The following DST variants were observed in gnomAD, a reference collection of about 807,000 sequenced individuals.
DST encodes the protein bullous pemphigoid antigen.
DST carries 253 observed loss-of-function variants against 875.2 expected under a neutral mutation model. That is an observed-to-expected ratio of 0.29 (90% confidence interval 0.26 to 0.32). DST has a LOEUF of 0.32. Ranked by LOEUF, DST falls within the 10% of genes least tolerant of loss-of-function variation. The pLI is 1.00. For missense variants in DST, 8,287 were observed against 9,111.6 expected (o/e 0.91, Z 3.68); for synonymous variants, 3,124 against 3,197.1 (o/e 0.98, Z 0.77).
In DST at chr6:56,639,323, T is replaced by G. The variant is rs768131560; in HGVS notation, c.2900A>C (p.Lys967Thr). ...CTGCTCTGCTATCTCCTGAACTGAT[T>G]TAATATTTTCTTCCTTTTGATCAAG... ...RELDQKEENIKSVQEIAEQLL... is the reference protein window; with the variant it reads ...RELDQKEENITSVQEIAEQLL... The change falls in exon 22 of 104, where the codon AAA becomes ACA. Residue 967 changes from lysine to threonine, a missense_variant. Physicochemically the swap from Lys to Thr is moderately conservative, Grantham distance 78. This residue lies in a region of DST where 1,160 missense variants were observed against 1,424.3 expected (regional missense o/e 0.81). Transcript: ENST00000680361. The G allele has an allele frequency of 4.3e-6, 7 of 1,613,680 alleles. No individual in the cohort carries two copies. The South Asian group carries it at 6.6e-5, about 15-fold the overall frequency.
chr6:56,493,379 C>T (rs2095811666), intron 83 of DST, among the ~76,000 whole-genome samples: 1 of 152,006 alleles, frequency 6.6e-6, no homozygotes, highest in South Asian at 2.1e-4. Flanking sequence ...TAAATATAAT[C>T]TGTAAAAAGA....
intron 69 of DST, among the ~76,000 whole-genome samples, chr6:56,521,000 T>C (rs1026106600): frequency 6.6e-6 from 1 of 152,146 alleles, no homozygotes; most frequent in Non-Finnish European, 1.5e-5. Context: ...CTTAAAATAA[T>C]CTATCTTAAG....
At chr6:56,938,108 C>CTCTCTCTCTCTCTA (rs1383243392) in intron 2 of DST, among the ~76,000 whole-genome samples, 60 of 120,748 alleles carry the variant, frequency 5.0e-4, no homozygotes, top group Middle Eastern at 4.0e-3. Context: ...CTCTCTCTCT[C>CTCTCTCTCTCTCTA]TATATATATA....
At chr6:56,824,066 C>A (rs944748362) in intron 4 of DST, among the ~76,000 whole-genome samples, 2 of 152,176 alleles carry the variant, frequency 1.3e-5, no homozygotes, top group African/African-American at 4.8e-5. Context: ...CGAGTCGAAG[C>A]TGGACTGTAC....
At chr6:56,923,340 G>A (rs749265144) in intron 2 of DST, among the ~76,000 whole-genome samples, 26 of 151,894 alleles carry the variant, frequency 1.7e-4, no homozygotes, top group Non-Finnish European at 2.5e-4. Context: ...TTTTATTTGG[G>A]ACTTGTTGAT....
chr6:56,725,345 A>T (rs962325142), intron 5 of DST, among the ~76,000 whole-genome samples: 12 of 152,176 alleles, frequency 7.9e-5, no homozygotes, highest in African/African-American at 2.9e-4. Flanking sequence ...TCCTGAATCT[A>T]TTTGACATTC....
At chr6:56,526,108 C>T (rs543312044) in intron 69 of DST, among the ~76,000 whole-genome samples, 2 of 152,284 alleles carry the variant, frequency 1.3e-5, no homozygotes, top group South Asian at 2.1e-4. Context: ...GGCTGATCTT[C>T]GCAGTGTCTG....
intron 4 of DST, among the ~76,000 whole-genome samples, chr6:56,799,118 C>A (rs865814914): frequency 6.6e-6 from 1 of 152,188 alleles, no homozygotes; most frequent in East Asian, 1.9e-4. Flanking sequence ...ATACATAGGA[C>A]TTAGTTGATA....
chr6:56,865,261 C>CTG (rs35870270), intron 3 of DST, among the ~76,000 whole-genome samples: 9,728 of 143,644 alleles, frequency 0.068, 318 homozygotes, highest in Middle Eastern at 0.13. Context: ...CCCTAGTTTT[C>CTG]TGTGTGTGTG....
chr6:56,954,487 A>G lies in DST; in HGVS notation c.101T>C (p.Phe34Ser). 1 of 1,367,536 alleles carries G rather than the reference A, an allele frequency of 7.3e-7. No individual in the cohort carries two copies. 84.7% of individuals were successfully genotyped at this position (1,367,536 alleles called of 1,614,324 possible). Residue 34 changes from phenylalanine (F) to serine (S), a missense_variant, in exon 1 of 104, where the codon TTC becomes TCC. Transcript: ENST00000680361. ...LLLGTIATIVFFCCWHRKLQK... is the reference protein window; with the variant it reads ...LLLGTIATIVSFCCWHRKLQK... ...GAGCTTGCGGTGCCAGCAGCAGAAG[A>G]AGACGATGGTGGCGATGGTGCCCAG...
At chr6:56,711,248 T>C (rs1159092922) in intron 5 of DST, among the ~76,000 whole-genome samples, 7 of 152,170 alleles carry the variant, frequency 4.6e-5, no homozygotes, top group Non-Finnish European at 1.0e-4. Flanking sequence ...ACTTTAAGAT[T>C]TGGGGTATTT....
intron 4 of DST, among the ~76,000 whole-genome samples, chr6:56,813,088 C>T (rs1244103406): frequency 2.6e-5 from 4 of 151,860 alleles, no homozygotes; most frequent in Admixed American, 6.6e-5. Context: ...TTTGTAGGGA[C>T]GTGGATGAAA....
chr6:56,631,548 A>T (rs1298852363), intron 29 of DST, among the ~76,000 whole-genome samples, 159 bp from the exon 30 acceptor site: 1 of 152,318 alleles, frequency 6.6e-6, no homozygotes, highest in East Asian at 1.9e-4. Flanking sequence ...ATAGCATTCA[A>T]GTTTTACAAT....
intron 2 of DST, among the ~76,000 whole-genome samples, chr6:56,944,166 C>A (rs149108633): frequency 2.6e-5 from 4 of 152,086 alleles, no homozygotes; most frequent in African/African-American, 7.2e-5. Context: ...CTGTCTCTTT[C>A]CCCTTAAGGA....
chr6:56,896,067 G>T (rs1791087359), intron 3 of DST, among the ~76,000 whole-genome samples: 1 of 40,576 alleles, frequency 2.5e-5, no homozygotes, highest in Non-Finnish European at 4.6e-5. Flanking sequence ...GAGGGAGACG[G>T]GAGAGGGAGA....
At chr6:56,657,425 A>G (rs960671926) in intron 10 of DST, among the ~76,000 whole-genome samples, 15 of 152,144 alleles carry the variant, frequency 9.9e-5, no homozygotes, top group Non-Finnish European at 2.1e-4. Context: ...ATTTGGTCAC[A>G]TATATTTTTT....
chr6:56,476,026 A>C (rs897176943), intron 92 of DST, 123 bp downstream of exon 92: 1 of 839,892 alleles, frequency 1.2e-6, no homozygotes, highest in Non-Finnish European at 1.8e-6. Context: ...AGTTGTAAGG[A>C]GCTGAGGAGT....
chr6:56,884,522 T>C (rs1025020338), intron 3 of DST, among the ~76,000 whole-genome samples: 1 of 152,176 alleles, frequency 6.6e-6, no homozygotes, highest in Non-Finnish European at 1.5e-5. Flanking sequence ...ATATGTGTGG[T>C]TGTCTCTCAT....
intron 58 of DST, among the ~76,000 whole-genome samples, chr6:56,559,215 G>C (rs1272222423): frequency 2.0e-5 from 3 of 151,994 alleles, no homozygotes; most frequent in African/African-American, 4.8e-5. Flanking sequence ...AGGAAAAATA[G>C]AAAAACTCAT....
Sources: gnomAD v4.1 joint callset for allele counts (sites outside exome capture counted in the v4.1 genomes callset) on GRCh38, gnomAD v4.1.1 for gene constraint, gnomAD v4.1.1 regional missense constraint, MANE v1.5 for transcripts, NCBI Gene and HGNC (gene_info 2026-07-23, HGNC 2026-07-21) for gene names.